ADCY4: variants seen among roughly 807,000 people sequenced by gnomAD.
ADCY4 encodes adenylate cyclase type 4.
ADCY4 carries 111 observed loss-of-function variants against 125.5 expected under a neutral mutation model. The ratio of observed to expected loss-of-function variants is 0.88; its 90% CI spans 0.76 to 1.04. ADCY4 has a LOEUF of 1.04. Among genes scored for constraint, ADCY4 ranks in the 50% least tolerant of loss-of-function variants. The pLI is 0.00. For synonymous variants in ADCY4, 576 were observed against 586.9 expected (o/e 0.98, Z 0.27); for missense variants, 1,256 against 1,382.9 (o/e 0.91, Z 1.46).
In ADCY4 at chr14:24,322,200, A is replaced by C; in HGVS notation, c.2452T>G (p.Phe818Val). 1 of 1,613,942 alleles carries C rather than the reference A, an allele frequency of 6.2e-7. No homozygotes were observed. The change falls in exon 20 of 25, where the codon TTC becomes GTC. Residue 818 changes from phenylalanine (F) to valine (V), a missense_variant. Transcript: ENST00000418030. ...RQNEYYCRLD[F>V]LWKKKLRQER... ...TGCCTCAGCTTCTTCTTCCACAGGA[A>C]GTCCAGGCGGCAGTAGTACTCATTC...
rs2042073351 is a variant in ADCY4, at chr14:24,333,121, G to A, written c.160-133C>T. 1.7e-5 allele frequency: 14 copies of A among 825,282 alleles called. No individual in the cohort carries two copies. In the South Asian group the frequency reaches 2.2e-4, roughly 13 times the overall value. 51.1% of individuals were successfully genotyped at this position (825,282 alleles called of 1,614,324 possible). ...AAGCCTAAGTACGAAAAGGAGGCAAGGCACCTCCGCTTGCCATTCACTTTA... is the reference window on the plus strand; with the variant it reads ...AAGCCTAAGTACGAAAAGGAGGCAAAGCACCTCCGCTTGCCATTCACTTTA... On this transcript the variant is annotated intron_variant, in intron 1 of 24. Coordinates refer to ENST00000418030, the MANE Select transcript of ADCY4 (RefSeq NM_001198568.2).
At chr14:24,323,310 CAGA>C (rs1221900618) in intron 17 of ADCY4, 31 bp downstream of exon 17, 1 of 1,524,740 alleles carries the variant, frequency 6.6e-7, no homozygotes, top group Non-Finnish European at 8.9e-7. Flanking sequence ...GAAGGGTGTG[CAGA>C]AGGAGATTAA....
intron 9 of ADCY4, 59 bp from the exon 10 acceptor site, chr14:24,329,293 C>A: frequency 1.3e-6 from 2 of 1,591,770 alleles, no homozygotes; most frequent in Non-Finnish European, 8.6e-7. Flanking sequence ...CTCCCTCCAC[C>A]CCCCACTAGG....
intron 1 of ADCY4, among the ~76,000 whole-genome samples, chr14:24,333,863 A>G (rs1414347373): frequency 6.6e-5 from 10 of 151,856 alleles, no homozygotes; most frequent in Non-Finnish European, 1.3e-4. Context: ...ACCTGCCTCA[A>G]CTCCAAGCAG....
At chr14:24,328,253 C>T (rs2041982922) in intron 10 of ADCY4, among the ~76,000 whole-genome samples, 1 of 149,660 alleles carries the variant, frequency 6.7e-6, no homozygotes, top group African/African-American at 2.5e-5. Flanking sequence ...TCTCCCTTTC[C>T]CTGGGGGAGT....
Position 24,332,774 on chromosome 14 carries a change from C to A in ADCY4, c.357+17G>T. The A allele has an allele frequency of 6.5e-7, 1 of 1,536,112 alleles. No individual in the cohort carries two copies. The highest frequency in any genetic ancestry group is 8.8e-7 in the Non-Finnish European group (1 of 1,136,160). On this transcript the variant is annotated intron_variant, in intron 2 of 24. Transcript: ENST00000418030. Reference sequence around the variant, plus strand: ...AGCCCGGGCCGTCCCCGCTGCCCCGCCTGCCGCCCCTCTCACCTGGTCCCA... The same window carrying A: ...AGCCCGGGCCGTCCCCGCTGCCCCGACTGCCGCCCCTCTCACCTGGTCCCA...
At chr14:24,326,404 C>A in intron 10 of ADCY4, 62 bp from the exon 11 acceptor site, 1 of 1,581,864 alleles carries the variant, frequency 6.3e-7, no homozygotes, top group African/African-American at 1.3e-5. Flanking sequence ...TGAGGTAGAC[C>A]ATGAGCCACA....
In ADCY4 at chr14:24,324,364, G is replaced by T; in HGVS notation, c.1851C>A (p.Ser617Arg). 1.2e-6 allele frequency: 2 copies of T among 1,614,192 alleles called. No homozygotes were observed. Among genetic ancestry groups the T allele is most frequent in the Non-Finnish European group, 1.7e-6 (2 of 1,180,014 alleles). ...NRPPALAITY[S>R]ITFLLFLLIL... ...TGAGGAGGAAGAGGAGGAAGGTGATGCTATACGTGATGGCCAGAGCTGGGG... is the reference window on the plus strand; with the variant it reads ...TGAGGAGGAAGAGGAGGAAGGTGATTCTATACGTGATGGCCAGAGCTGGGG... Residue 617 changes from serine to arginine, a missense_variant, in exon 15 of 25, where the codon AGC becomes AGA. Coordinates refer to ENST00000418030, the MANE Select transcript of ADCY4 (RefSeq NM_001198568.2).
chr14:24,323,525 A>C, intron 16 of ADCY4, 71 bp from the exon 17 acceptor site: 3 of 1,536,720 alleles, frequency 2.0e-6, no homozygotes, highest in Non-Finnish European at 1.8e-6. Context: ...GCTGGGTTTC[A>C]GCTGACCCAG....
chr14:24,330,814 G>C, intron 6 of ADCY4: 1 of 555,788 alleles, frequency 1.8e-6, no homozygotes, highest in East Asian at 2.9e-5. Context: ...GATATTGAGG[G>C]ATCTCTGTAG....
rs971907674 is a variant in ADCY4 at position 24,323,957 on chromosome 14, C to G, written c.2046+105G>C. 9 of 1,458,842 alleles carry G rather than the reference C, an allele frequency of 6.2e-6. No homozygotes were observed. The African/African-American group carries it at 1.3e-4, about 21-fold the overall frequency. 90.4% of individuals were successfully genotyped at this position (1,458,842 alleles called of 1,614,324 possible). A position where few individuals can be genotyped will look rare whatever the true frequency, so the allele number is the denominator to read the frequency against. ...TATTTGTACAACATTTCCAGCATCC[C>G]CTGGGCTTAGTCCAGCTGCCTGCCC... On this transcript the variant is annotated intron_variant, in intron 16 of 24. Coordinates refer to ENST00000418030, the MANE Select transcript of ADCY4 (RefSeq NM_001198568.2).
At chr14:24,330,909 T>G (rs1275551783) in intron 6 of ADCY4, 109 bp downstream of exon 6, 2 of 920,756 alleles carry the variant, frequency 2.2e-6, no homozygotes, top group East Asian at 5.1e-5. Flanking sequence ...GGGGCCTGCA[T>G]GCACTGAAGT....
intron 8 of ADCY4, 68 bp from the exon 9 acceptor site, chr14:24,329,601 C>A: frequency 6.7e-7 from 1 of 1,494,858 alleles, no homozygotes; most frequent in Non-Finnish European, 8.9e-7. Flanking sequence ...TGCCCCATCA[C>A]CCCCATGGCT....
At chr14:24,321,092 CTTTTTT>C (rs113506596) in intron 20 of ADCY4, among the ~76,000 whole-genome samples, 2 of 120,240 alleles carry the variant, frequency 1.7e-5, no homozygotes, top group Non-Finnish European at 1.8e-5. Flanking sequence ...AATTGCATTT[CTTTTTT>C]TTTTTTTTTT....
At chr14:24,321,371 A>T (rs970784834) in intron 20 of ADCY4, among the ~76,000 whole-genome samples, 6 of 152,006 alleles carry the variant, frequency 3.9e-5, no homozygotes, top group African/African-American at 1.4e-4. Flanking sequence ...CAGTGAGCTG[A>T]GACCGTGCCA....
chr14:24,334,106 G>C (rs1379941117), intron 1 of ADCY4, among the ~76,000 whole-genome samples: 1 of 152,184 alleles, frequency 6.6e-6, no homozygotes, highest in Non-Finnish European at 1.5e-5. Flanking sequence ...GTGCCTTCTG[G>C]GAGTCTGTGG....
chr14:24,320,008 G>T, intron 20 of ADCY4, 120 bp from the exon 21 acceptor site: 1 of 1,276,390 alleles, frequency 7.8e-7, no homozygotes, highest in East Asian at 2.4e-5. Flanking sequence ...AGAAGAATTG[G>T]GAAGGAGGGA....
intron 3 of ADCY4, chr14:24,332,180 G>A (rs527668259): frequency 2.1e-6 from 1 of 477,704 alleles, no homozygotes; most frequent in Admixed American, 4.1e-5. Flanking sequence ...TTTGCAGGTA[G>A]GTTTCTTGTG....
chr14:24,331,793 GCTT>G lies in ADCY4; in HGVS notation c.661_663del (p.Lys221del). On this transcript the variant is annotated inframe_deletion, in exon 4 of 25. Transcript: ENST00000418030. ...CCTTCCTAGGCCCGGCTGACCTGGT[GCTT>G]CTTCTCGGTGTCCAGCCGCCGGCGT... 1.3e-6 allele frequency: 2 copies of G among 1,582,242 alleles called. No homozygotes were observed. The highest frequency in any genetic ancestry group is 1.7e-6 in the Non-Finnish European group (2 of 1,158,638).
Sources: allele counts gnomAD v4.1 joint callset (sites outside exome capture counted in the v4.1 genomes callset), GRCh38; gene constraint gnomAD v4.1.1; transcripts MANE v1.5; gene names NCBI Gene and HGNC (gene_info 2026-07-23, HGNC 2026-07-21).